The following SH3RF3 variants were observed in gnomAD, a reference collection of about 807,000 sequenced individuals.
The protein encoded by SH3RF3 is SH3 domain containing ring finger 3.
SH3RF3 carries 29 observed loss-of-function variants against 66.3 expected under a neutral mutation model. The observed-to-expected ratio is 0.44, with a 90% CI of 0.33 to 0.60. The LOEUF (loss-of-function observed/expected upper bound fraction) is 0.60. Ranked by LOEUF, SH3RF3 falls within the 20% of genes least tolerant of loss-of-function variation. The pLI is 0.04. For synonymous variants in SH3RF3, 583 were observed against 532.0 expected (o/e 1.10, Z -1.32); for missense variants, 1,194 against 1,190.9 (o/e 1.00, Z -0.04).
At chr2:109,364,254 G>A (rs937906648) in intron 2 of SH3RF3, among the ~76,000 whole-genome samples, 25 of 151,052 alleles carry the variant, frequency 1.7e-4, no homozygotes, top group Admixed American at 8.0e-4. Flanking sequence ...TTCCTCAACT[G>A]TGTCCAGTCT....
intron 3 of SH3RF3, among the ~76,000 whole-genome samples, chr2:109,382,488 A>G (rs1273048374): frequency 6.6e-6 from 1 of 152,064 alleles, no homozygotes; most frequent in Non-Finnish European, 1.5e-5. Flanking sequence ...CCTCATCTGC[A>G]TGAACTCTCC....
intron 1 of SH3RF3, among the ~76,000 whole-genome samples, chr2:109,182,584 C>G (rs759370008): frequency 1.3e-5 from 2 of 152,172 alleles, no homozygotes; most frequent in African/African-American, 4.8e-5. Flanking sequence ...AGATATTTTG[C>G]ATTAATTGCA....
intron 2 of SH3RF3, among the ~76,000 whole-genome samples, chr2:109,371,062 A>G (rs571396620): frequency 1.3e-5 from 2 of 152,202 alleles, no homozygotes; most frequent in South Asian, 4.2e-4. Flanking sequence ...GCTTTCCCAT[A>G]TGGGGCTCTT....
intron 1 of SH3RF3, among the ~76,000 whole-genome samples, chr2:109,248,808 T>G (rs1489427150): frequency 4.0e-5 from 6 of 151,890 alleles, no homozygotes; most frequent in Non-Finnish European, 7.4e-5. Context: ...TCTCTCTTTC[T>G]CTTTCGTTTT....
At chr2:109,411,529 A>G (rs1676589453) in intron 4 of SH3RF3, among the ~76,000 whole-genome samples, 1 of 152,182 alleles carries the variant, frequency 6.6e-6, no homozygotes, top group South Asian at 2.1e-4. Flanking sequence ...ATCCGTAGCA[A>G]CAGAGACCAG....
chr2:109,434,269 C>T (rs1354734768), intron 6 of SH3RF3, among the ~76,000 whole-genome samples: 1 of 152,240 alleles, frequency 6.6e-6, no homozygotes, highest in African/African-American at 2.4e-5. Flanking sequence ...CTGTCACACG[C>T]CCTACTGTTA....
intron 3 of SH3RF3, among the ~76,000 whole-genome samples, chr2:109,382,442 C>T (rs4305306): frequency 6.6e-6 from 1 of 152,102 alleles, no homozygotes; most frequent in Non-Finnish European, 1.5e-5. Context: ...CAGCAGCCCA[C>T]CTCCTGACCC....
At chr2:109,448,872 A>G (rs374135170) in intron 7 of SH3RF3, among the ~76,000 whole-genome samples, 1 of 152,166 alleles carries the variant, frequency 6.6e-6, no homozygotes, top group Non-Finnish European at 1.5e-5. Context: ...AGAACTGGGA[A>G]TGTGCCCATG....
At chr2:109,454,521 G>A (rs1232494648) in intron 8 of SH3RF3, among the ~76,000 whole-genome samples, 4 of 152,166 alleles carry the variant, frequency 2.6e-5, no homozygotes, top group South Asian at 2.1e-4. Context: ...CGGTGAGAGC[G>A]CTCCCGCCGG....
chr2:109,354,832 A>G (rs1682915046), intron 2 of SH3RF3, among the ~76,000 whole-genome samples: 1 of 152,246 alleles, frequency 6.6e-6, no homozygotes, highest in Non-Finnish European at 1.5e-5. Context: ...GAGCTAGTAA[A>G]TGAGTTTAAA....
intron 4 of SH3RF3, 96 bp from the exon 5 acceptor site, chr2:109,419,443 C>T: frequency 1.5e-6 from 2 of 1,293,546 alleles, no homozygotes; most frequent in Non-Finnish European, 2.1e-6. Context: ...GCTGGCGAAG[C>T]ACAGGCACCT....
intron 8 of SH3RF3, among the ~76,000 whole-genome samples, chr2:109,471,400 A>G (rs191905482): frequency 6.6e-6 from 1 of 152,188 alleles, no homozygotes; most frequent in East Asian, 1.9e-4. Context: ...AAGGGGGAAG[A>G]ATCCTCATAA....
At chr2:109,223,751 A>G (rs747307636) in intron 1 of SH3RF3, among the ~76,000 whole-genome samples, 2 of 152,012 alleles carry the variant, frequency 1.3e-5, no homozygotes, top group Non-Finnish European at 2.9e-5. Context: ...GCCGTGGAGG[A>G]CAGCCTCTGA....
intron 1 of SH3RF3, among the ~76,000 whole-genome samples, chr2:109,340,649 C>T (rs573041028): frequency 2.0e-5 from 3 of 152,170 alleles, no homozygotes; most frequent in African/African-American, 7.2e-5. Flanking sequence ...TTTGCCTCAG[C>T]AAGTAGTCAA....
chr2:109,419,411 T>C (rs1183586364), intron 4 of SH3RF3, 128 bp from the exon 5 acceptor site: 3 of 955,434 alleles, frequency 3.1e-6, no homozygotes, highest in Non-Finnish European at 4.7e-6. Flanking sequence ...GCACAGCACG[T>C]TGGAGGCCAA....
At chr2:109,274,299 G>T (rs1185334541) in intron 1 of SH3RF3, among the ~76,000 whole-genome samples, 1 of 152,032 alleles carries the variant, frequency 6.6e-6, no homozygotes, top group Non-Finnish European at 1.5e-5. Flanking sequence ...GTGCCCAAAA[G>T]AATTAAAAAA....
chr2:109,401,833 A>G (rs985238198), intron 4 of SH3RF3, among the ~76,000 whole-genome samples: 2 of 152,168 alleles, frequency 1.3e-5, no homozygotes, highest in Admixed American at 6.5e-5. Context: ...TCTGATGTCT[A>G]TTGGGGCTGG....
chr2:109,154,601 C>T (rs1677295105), intron 1 of SH3RF3, among the ~76,000 whole-genome samples: 1 of 152,214 alleles, frequency 6.6e-6, no homozygotes, highest in Admixed American at 6.5e-5. Context: ...TCACAGTGCC[C>T]TGGGGTCTGT....
chr2:109,288,815 C>CTTTTTTTTTTTTTTTTTT (rs1559003628), intron 1 of SH3RF3, among the ~76,000 whole-genome samples: 24 of 152,088 alleles, frequency 1.6e-4, no homozygotes, highest in African/African-American at 5.8e-4. Flanking sequence ...AAATCACTTT[C>CTTTTTTTTTTTTTTTTTT]TTATTTAGTA....
Sources: allele counts gnomAD v4.1 joint callset (sites outside exome capture counted in the v4.1 genomes callset), GRCh38; gene constraint gnomAD v4.1.1; transcripts MANE v1.5; gene names NCBI Gene and HGNC (gene_info 2026-07-23, HGNC 2026-07-21).